CDHR3: variants seen among roughly 807,000 people sequenced by gnomAD.
CDHR3 encodes cadherin-related family member 3.
A neutral mutation model predicts 86.6 loss-of-function variants in CDHR3; 79 were observed. The ratio of observed to expected loss-of-function variants is 0.91; its 90% CI spans 0.76 to 1.10. The LOEUF (loss-of-function observed/expected upper bound fraction) is 1.10, where lower values mean the gene tolerates loss of function less well. Among genes scored for constraint, CDHR3 ranks in the 50% least tolerant of loss-of-function variants. The pLI is 0.00. For synonymous variants in CDHR3, 421 were observed against 402.4 expected, an observed-to-expected ratio of 1.05 and a Z score of -0.55; for missense variants, 1,081 against 1,077.6, an observed-to-expected ratio of 1.00 and a Z score of -0.04.
chr7:105,975,958 G>C (rs1283715340), intron 2 of CDHR3, among the ~76,000 whole-genome samples: 5 of 152,226 alleles, frequency 3.3e-5, no homozygotes, highest in African/African-American at 1.2e-4. Flanking sequence ...TTGGGGCCCT[G>C]TAGCAGACCT....
At chr7:105,985,058 CAAAAAAAA>C (rs3999857) in intron 4 of CDHR3, among the ~76,000 whole-genome samples, 2 of 141,316 alleles carry the variant, frequency 1.4e-5, no homozygotes, top group Non-Finnish European at 3.1e-5. Context: ...GACCCTGTCT[CAAAAAAAA>C]AAAAAAAAAA....
chr7:106,002,959 C>T (rs1308410073), intron 7 of CDHR3, among the ~76,000 whole-genome samples: 1 of 151,594 alleles, frequency 6.6e-6, no homozygotes, highest in Admixed American at 6.6e-5. Context: ...CGTAGTGAAA[C>T]CCTGTCTCTA....
chr7:105,981,012 A>G lies in CDHR3; in HGVS notation c.294A>G (p.Pro98=). 6.2e-7 allele frequency: 1 copy of G among 1,611,274 alleles called. No individual in the cohort carries two copies. Residue 98 remains proline (P), a synonymous_variant, in exon 3 of 19, where the codon CCA becomes CCG. Coordinates refer to ENST00000317716, the MANE Select transcript of CDHR3 (RefSeq NM_152750.5). Reference sequence around the variant, plus strand: ...AACAACTAGATTTTGAAACAGGACCAAACATATTTGATTTGCAGATTTATG... The same window carrying G: ...AACAACTAGATTTTGAAACAGGACCGAACATATTTGATTTGCAGATTTATG... ...GMEQLDFETG[P]NIFDLQIYVK...
At chr7:105,993,677 CAAAAAAAAAAAAAAAA>C (rs55787798) in intron 4 of CDHR3, among the ~76,000 whole-genome samples, 24 of 91,784 alleles carry the variant, frequency 2.6e-4, no homozygotes, top group African/African-American at 2.5e-4. Flanking sequence ...CTCTGTCTCA[CAAAAAAAAAAAAAAAA>C]AAAAAAAAAA....
At chr7:106,006,729 T>C (rs980962585) in intron 8 of CDHR3, among the ~76,000 whole-genome samples, 1 of 152,190 alleles carries the variant, frequency 6.6e-6, no homozygotes, top group African/African-American at 2.4e-5. Context: ...GATGCTTTCA[T>C]GGGCTGGCAT....
At chr7:105,989,700 A>G (rs549538734) in intron 4 of CDHR3, among the ~76,000 whole-genome samples, 16 of 152,242 alleles carry the variant, frequency 1.1e-4, no homozygotes, top group Admixed American at 8.5e-4. Flanking sequence ...GGGATCTTTC[A>G]GGTCCATTGG....
rs539322416 is a variant in CDHR3 at position 106,035,985 on chromosome 7, T to C, written c.*3288T>C. 2.0e-5 allele frequency: 3 copies of C among 152,344 alleles called. No individual in the cohort carries two copies. In the East Asian group the frequency reaches 5.8e-4, roughly 29 times the overall value. 9.4% of individuals were successfully genotyped at this position (152,344 alleles called of 1,614,324 possible). On this transcript the variant is annotated 3_prime_UTR_variant, in exon 19 of 19. Transcript: ENST00000317716. ...TTTCTCCCATCTCCCTCTCAAGGCC[T>C]TAAACAGGTATGAGTTGATTATAGC... is the stretch of plus-strand genomic sequence containing the variant.
chr7:106,005,707 G>T (rs1833856490), intron 8 of CDHR3, among the ~76,000 whole-genome samples: 1 of 152,224 alleles, frequency 6.6e-6, no homozygotes, highest in Non-Finnish European at 1.5e-5. Flanking sequence ...GACCAGGATT[G>T]CCTAGGAGAA....
rs1208216620 is a variant in CDHR3 at position 106,031,145 on chromosome 7, G to C, written c.2353+305G>C. Among the ~76,000 whole-genome samples, 5 of 152,188 alleles carry C rather than the reference G, an allele frequency of 3.3e-5. No homozygotes were observed. In the East Asian group the frequency reaches 9.6e-4, roughly 29 times the overall value. On this transcript the variant is annotated intron_variant, in intron 18 of 18. Coordinates refer to ENST00000317716, the MANE Select transcript of CDHR3 (RefSeq NM_152750.5). ...CCTTCCTAAATTACAAACCAGTTGA[G>C]GGAACTGGTGAATCCAGGAATCCAC...
rs576994388 is a variant in CDHR3 at position 106,030,614 on chromosome 7, G to A, written c.2305-178G>A. On this transcript the variant is annotated intron_variant, in intron 17 of 18. Transcript: ENST00000317716. The surrounding 1 kb of genome is among the most constrained non-coding windows in gnomAD (Gnocchi z 4.8). Reference sequence around the variant, plus strand: ...TTTGTAATTGGCAAGCTTTGTACAGGCAGTGACTATGCCTGCCTTGTTCAT... The same window carrying A: ...TTTGTAATTGGCAAGCTTTGTACAGACAGTGACTATGCCTGCCTTGTTCAT... Among the ~76,000 whole-genome samples, 1 of 152,174 alleles carries A rather than the reference G, an allele frequency of 6.6e-6. No individual in the cohort carries two copies.
chr7:106,020,762 A>G (rs907446178), intron 13 of CDHR3, among the ~76,000 whole-genome samples: 8 of 152,176 alleles, frequency 5.3e-5, no homozygotes, highest in African/African-American at 1.9e-4. Flanking sequence ...AGCTGAGACT[A>G]CAGGCATGCC....
chr7:106,008,052 C>G (rs1834203148), intron 8 of CDHR3, among the ~76,000 whole-genome samples: 1 of 152,280 alleles, frequency 6.6e-6, no homozygotes, highest in South Asian at 2.1e-4. Context: ...GGGAAACTCC[C>G]CCTTATAAAG....
chr7:106,011,361 G>A (rs754797804), intron 8 of CDHR3, among the ~76,000 whole-genome samples: 1 of 152,086 alleles, frequency 6.6e-6, no homozygotes, highest in Non-Finnish European at 1.5e-5. Flanking sequence ...CATGTGCCTT[G>A]GGACTTGCCC....
At chr7:106,022,929 T>A (rs1464435550) in intron 14 of CDHR3, among the ~76,000 whole-genome samples, 1 of 152,144 alleles carries the variant, frequency 6.6e-6, no homozygotes, top group African/African-American at 2.4e-5. Context: ...ACACCCCACC[T>A]CCGCTCCAAA....
At position 106,015,275 on chromosome 7, in the gene CDHR3, C is replaced by T. The variant is rs1329918879; in HGVS notation, c.1327+62C>T. On this transcript the variant is annotated intron_variant, in intron 10 of 18. Coordinates refer to ENST00000317716, the MANE Select transcript of CDHR3 (RefSeq NM_152750.5). ...CTTGAGTATCAATGACCAAACTCTG[C>T]TGGGCAATACTAGGTATTGTGCTAG... The T allele has an allele frequency of 2.9e-6, 4 of 1,382,214 alleles. No individual in the cohort carries two copies. The African/African-American group carries it at 5.7e-5, about 20-fold the overall frequency. The allele number at this position is 1,382,214 out of a possible 1,614,324, so 85.6% of individuals were successfully genotyped here.
rs1838733149 is a variant in CDHR3 at position 106,034,274 on chromosome 7, T to TGCTGCCCA, written c.*1583_*1590dup. 6.6e-6 allele frequency among the ~76,000 whole-genome samples: 1 copy of TGCTGCCCA among 152,244 alleles called. No individual in the cohort carries two copies. Among genetic ancestry groups the TGCTGCCCA allele is most frequent in the Non-Finnish European group, 1.5e-5 (1 of 68,036 alleles). ...CAAGCTTCACTCGAGCTCTATGCCC[T>TGCTGCCCA]GCTGCCCAGCTGCTGCGACCCTAGT... On this transcript the variant is annotated 3_prime_UTR_variant, in exon 19 of 19. Coordinates refer to ENST00000317716, the MANE Select transcript of CDHR3 (RefSeq NM_152750.5).
intron 15 of CDHR3, 63 bp from the exon 16 acceptor site, chr7:106,026,619 C>A: frequency 6.4e-7 from 1 of 1,566,562 alleles, no homozygotes; most frequent in South Asian, 1.1e-5. Context: ...CCCATGGTGT[C>A]ATGTGTGTGC....
At chr7:106,011,827 C>T (rs530486272) in intron 8 of CDHR3, among the ~76,000 whole-genome samples, 79 of 152,296 alleles carry the variant, frequency 5.2e-4, no homozygotes, top group Admixed American at 9.2e-4. Context: ...GGTAGCTTTA[C>T]TCATTTGTGT....
At chr7:105,966,628 G>A (rs912586418) in intron 1 of CDHR3, among the ~76,000 whole-genome samples, 1 of 152,206 alleles carries the variant, frequency 6.6e-6, no homozygotes, top group Non-Finnish European at 1.5e-5. Context: ...GGCCCAAAGA[G>A]TGTTGCAAGA....
Sources: allele counts gnomAD v4.1 joint callset (sites outside exome capture counted in the v4.1 genomes callset), GRCh38; gene constraint gnomAD v4.1.1; non-coding constraint Gnocchi (gnomAD v3.1); transcripts MANE v1.5; gene names NCBI Gene and HGNC (gene_info 2026-07-23, HGNC 2026-07-21).